ZBTB39: variants seen among roughly 807,000 people sequenced by gnomAD.
ZBTB39 encodes zinc finger and BTB domain-containing protein 39.
Under a neutral mutation model 39.4 loss-of-function variants are expected in ZBTB39, and 25 were observed. The ratio of observed to expected loss-of-function variants is 0.63; its 90% CI spans 0.46 to 0.89. The LOEUF is 0.89. Ranked by LOEUF, ZBTB39 falls within the 40% of genes least tolerant of loss-of-function variation. The probability of loss-of-function intolerance (pLI) is 0.00; values close to 1 mark genes in which losing one functional copy is unlikely to be tolerated. For synonymous variants in ZBTB39, 373 were observed against 359.6 expected, an observed-to-expected ratio of 1.04 and a Z score of -0.42; for missense variants, 891 against 909.7, an observed-to-expected ratio of 0.98 and a Z score of 0.26.
rs138575607 is a variant in ZBTB39, at chr12:57,003,511, G to A, written c.1407C>T (p.Gly469=). 1,006 of 1,614,012 alleles carry A rather than the reference G, an allele frequency of 6.2e-4. 4 individuals are homozygous for A. In the African/African-American group the frequency reaches 0.011, roughly 17 times the overall value. ...TCAAGTTTAGATGGTCAAGGATGTG[G>A]CCCCGGACCACATGGAAATCTTTGG... ...VLAKDFHVVR[G]HILDHLNLKG... The change falls in exon 2 of 2, where the codon GGC becomes GGT. Residue 469 remains glycine (G), a synonymous_variant. Transcript: ENST00000300101. This position sits in a 1 kb window ranked among gnomAD's most constrained non-coding sequence, Gnocchi z 4.8.
chr12:57,003,284 T>A lies in ZBTB39; in HGVS notation c.1634A>T (p.Gln545Leu). 1 of 1,614,174 alleles carries A rather than the reference T, an allele frequency of 6.2e-7. No individual in the cohort carries two copies. Residue 545 changes from glutamine to leucine, a missense_variant, in exon 2 of 2, where the codon CAG becomes CTG. Physicochemically the swap from Gln to Leu is moderately radical, Grantham distance 113. Coordinates refer to ENST00000300101, the MANE Select transcript of ZBTB39 (RefSeq NM_014830.3). This position sits in a 1 kb window ranked among gnomAD's most constrained non-coding sequence, Gnocchi z 4.8. ...DALFHCRLCS[Q>L]SFKSEAAYRY... The stretch of plus-strand genomic sequence containing the variant: ...ATAGGCAGCCTCTGACTTGAAGCTC[T>A]GGCTGCACAAGCGGCAGTGGAAGAG...
Position 57,002,823 on chromosome 12 carries a change from A to C in ZBTB39, c.2095T>G (p.Tyr699Asp). The C allele has an allele frequency of 6.2e-7, 1 of 1,614,184 alleles. No homozygotes were observed. The highest frequency in any genetic ancestry group is 8.5e-7 in the Non-Finnish European group (1 of 1,180,026). ...TCCGCCTCTTTGGAATGGATGATGT[A>C]CATGAAGGTCTGCTCGATGGTGAAG... ...PDFTIEQTFMYIIHSKEADKN... is the reference protein window; with the variant it reads ...PDFTIEQTFMDIIHSKEADKN... Residue 699 changes from tyrosine (Y) to aspartate (D), a missense_variant, in exon 2 of 2, where the codon TAC becomes GAC. Transcript: ENST00000300101.
At position 57,001,039 on chromosome 12, in the gene ZBTB39, T is replaced by C. The variant is rs1008593266; in HGVS notation, c.*1740A>G. Reference sequence around the variant, plus strand: ...CCTGGAATTTAACTGTCCCGAACTTTATAGAACATACACCCATGGCCTAAA... The same window carrying C: ...CCTGGAATTTAACTGTCCCGAACTTCATAGAACATACACCCATGGCCTAAA... On this transcript the variant is annotated 3_prime_UTR_variant, in exon 2 of 2. Coordinates refer to ENST00000300101, the MANE Select transcript of ZBTB39 (RefSeq NM_014830.3). 4.6e-5 allele frequency: 7 copies of C among 152,282 alleles called. No homozygotes were observed. The highest frequency in any genetic ancestry group is 7.2e-5 in the African/African-American group (3 of 41,464). The allele number at this position is 152,282 out of a possible 1,614,324, so 9.4% of individuals were successfully genotyped here. A position where few individuals can be genotyped will look rare whatever the true frequency, so the allele number is the denominator to read the frequency against.
rs756720842 is a variant in ZBTB39, at chr12:57,003,173, C to T, written c.1745G>A (p.Arg582Gln). The change falls in exon 2 of 2, where the codon CGG becomes CAG. Residue 582 changes from arginine (R) to glutamine (Q), a missense_variant. Arg to Gln is a conservative substitution (Grantham distance 43). Transcript: ENST00000300101. This position sits in a 1 kb window ranked among gnomAD's most constrained non-coding sequence, Gnocchi z 4.8. Reference sequence around the variant, plus strand: ...CAGAAACTCCTCTGCTGGCAGCTTCCGCTTCTGGAGAGCTGGGTGCTGCAG... The same window carrying T: ...CAGAAACTCCTCTGCTGGCAGCTTCTGCTTCTGGAGAGCTGGGTGCTGCAG... ...FGLQHPALQK[R>Q]KLPAEEFLGE... is the part of the protein sequence containing the mutation. The T allele has an allele frequency of 2.1e-5, 34 of 1,613,986 alleles. No homozygotes were observed. Among genetic ancestry groups the T allele is most frequent in the African/African-American group, 8.0e-5 (6 of 74,946 alleles).
At position 57,001,613 on chromosome 12, in the gene ZBTB39, G is replaced by C. The variant is rs1425424735; in HGVS notation, c.*1166C>G. 1 of 152,834 alleles carries C rather than the reference G, an allele frequency of 6.5e-6. No homozygotes were observed. Among genetic ancestry groups the C allele is most frequent in the African/African-American group, 2.4e-5 (1 of 41,466 alleles). 9.5% of individuals were successfully genotyped at this position (152,834 alleles called of 1,614,324 possible). A position where few individuals can be genotyped will look rare whatever the true frequency, so the allele number is the denominator to read the frequency against. Reference sequence around the variant, plus strand: ...AGCTGCCATCCAATAGCGCCCCCTGGAGGTGATGGCAACGACAGATCAGGA... The same window carrying C: ...AGCTGCCATCCAATAGCGCCCCCTGCAGGTGATGGCAACGACAGATCAGGA... On this transcript the variant is annotated 3_prime_UTR_variant, in exon 2 of 2. Transcript: ENST00000300101.
chr12:57,002,905 G>A lies in ZBTB39; in HGVS notation c.2013C>T (p.Ser671=). 1 of 1,614,232 alleles carries A rather than the reference G, an allele frequency of 6.2e-7. No individual in the cohort carries two copies. The highest frequency in any genetic ancestry group is 1.3e-5 in the African/African-American group (1 of 75,058). The stretch of plus-strand genomic sequence containing the variant: ...CATGTTTGCTCATGAGGTTAAGGGT[G>A]GAACTGTAGTGCCCACAGACTGTGC... ...YRCTVCGHYS[S]TLNLMSKHVG... is the part of the protein sequence containing the mutation. Residue 671 remains serine (S), a synonymous_variant, in exon 2 of 2, where the codon TCC becomes TCT. Transcript: ENST00000300101.
chr12:57,004,702 C>T lies in ZBTB39; in HGVS notation c.216G>A (p.Val72=), dbSNP rs1956234864. 6.2e-7 allele frequency: 1 copy of T among 1,614,164 alleles called. No homozygotes were observed. ...CAAAGTTGGCAGGGGTGATGAAGTC[C>T]ACCACATAGGTCCTGGCAGCATCAA... ...TGLDAARTYV[V]DFITPANFEK... is the part of the protein sequence containing the mutation. Residue 72 remains valine (V), a synonymous_variant, in exon 2 of 2, where the codon GTG becomes GTA. Transcript: ENST00000300101.
At position 57,003,099 on chromosome 12, in the gene ZBTB39, A is replaced by C; in HGVS notation, c.1819T>G (p.Cys607Gly). The C allele has an allele frequency of 6.2e-7, 1 of 1,614,184 alleles. No homozygotes were observed. Among genetic ancestry groups the C allele is most frequent in the Non-Finnish European group, 8.5e-7 (1 of 1,180,044 alleles). Residue 607 changes from cysteine to glycine, a missense_variant, in exon 2 of 2, where the codon TGC becomes GGC. Transcript: ENST00000300101. The surrounding 1 kb of genome is among the most constrained non-coding windows in gnomAD (Gnocchi z 4.8). ...QGQPGNSKYS[C>G]KVCGKRFAHT... ...GCAAATCTTTTGCCACAGACCTTGC[A>C]GCTATACTTGCTGTTCCCAGGTTGG...
chr12:57,002,963 A>G lies in ZBTB39; in HGVS notation c.1955T>C (p.Leu652Pro). The change falls in exon 2 of 2, where the codon CTA becomes CCA. Residue 652 changes from leucine (L) to proline (P), a missense_variant. Physicochemically the swap from Leu to Pro is moderately conservative, Grantham distance 98 (BLOSUM62 -3). Coordinates refer to ENST00000300101, the MANE Select transcript of ZBTB39 (RefSeq NM_014830.3). ...CATGAGGGCCCCCGAGTGTGTCTTTAGGTGGCACTTGATGGTCGAGCGGCC... is the reference window on the plus strand; with the variant it reads ...CATGAGGGCCCCCGAGTGTGTCTTTGGGTGGCACTTGATGGTCGAGCGGCC... ...FRGRSTIKCH[L>P]KTHSGALMYR... 1 of 1,614,236 alleles carries G rather than the reference A, an allele frequency of 6.2e-7. No individual in the cohort carries two copies. Among genetic ancestry groups the G allele is most frequent in the Non-Finnish European group, 8.5e-7 (1 of 1,180,040 alleles).
Position 57,003,427 on chromosome 12 carries a change from C to A in ZBTB39, c.1491G>T (p.Trp497Cys). The A allele has an allele frequency of 6.2e-7, 1 of 1,614,196 alleles. No homozygotes were observed. Among genetic ancestry groups the A allele is most frequent in the Non-Finnish European group, 8.5e-7 (1 of 1,180,012 alleles). Residue 497 changes from tryptophan (W) to cysteine (C), a missense_variant, in exon 2 of 2, where the codon TGG (tryptophan) becomes TGT (cysteine). Physicochemically the swap from Trp to Cys is radical, Grantham distance 215 (BLOSUM62 -2). Coordinates refer to ENST00000300101, the MANE Select transcript of ZBTB39 (RefSeq NM_014830.3). The surrounding 1 kb of genome is among the most constrained non-coding windows in gnomAD (Gnocchi z 4.8). ...AGATGCCGAGATGGGACAGCGTGTG[C>A]CACATGAGGCTGCAGAGGTTAAGGT... is the stretch of plus-strand genomic sequence containing the variant. ...QRHLNLCSLM[W>C]HTLSHLGISV...
Position 57,002,942 on chromosome 12 carries a change from A to T in ZBTB39, c.1976T>A (p.Leu659His), listed in dbSNP as rs780718801. The T allele has an allele frequency of 8.1e-6, 13 of 1,614,244 alleles. No homozygotes were observed. The highest frequency in any genetic ancestry group is 4.4e-5 in the South Asian group (4 of 91,084). The change falls in exon 2 of 2, where the codon CTC becomes CAC. Residue 659 changes from leucine to histidine, a missense_variant. Physicochemically the swap from Leu to His is moderately conservative, Grantham distance 99. Transcript: ENST00000300101. ...KCHLKTHSGA[L>H]MYRCTVCGHY... The stretch of plus-strand genomic sequence containing the variant: ...CCCACAGACTGTGCAGCGGTACATG[A>T]GGGCCCCCGAGTGTGTCTTTAGGTG...
chr12:57,005,793 A>G (rs1371087292), intron 1 of ZBTB39, among the ~76,000 whole-genome samples: 1 of 152,136 alleles, frequency 6.6e-6, no homozygotes, highest in Non-Finnish European at 1.5e-5. Context: ...GTTCACTACC[A>G]CTTTCTGCCC....
rs1956198145 is a variant in ZBTB39 at position 56,999,505 on chromosome 12, C to G, written c.*3274G>C. 6.6e-6 allele frequency: 1 copy of G among 152,230 alleles called. No individual in the cohort carries two copies. The highest frequency in any genetic ancestry group is 2.4e-5 in the African/African-American group (1 of 41,446). The allele number at this position is 152,230 out of a possible 1,614,324, so 9.4% of individuals were successfully genotyped here. On this transcript the variant is annotated 3_prime_UTR_variant, in exon 2 of 2. Transcript: ENST00000300101. ...AATATAAAAAAAAACTTTTACCCAT[C>G]TCCTGGTTCTTAGGGGTCACCTGGG...
rs944007439 is a variant in ZBTB39 at position 57,006,423 on chromosome 12, G to C, written c.-63C>G. 1.3e-5 allele frequency: 2 copies of C among 150,256 alleles called. No homozygotes were observed. The highest frequency in any genetic ancestry group is 1.3e-4 in the Admixed American group (2 of 15,136). The allele number at this position is 150,256 out of a possible 1,614,324, so 9.3% of individuals were successfully genotyped here. On this transcript the variant is annotated 5_prime_UTR_variant, in exon 1 of 2. Coordinates refer to ENST00000300101, the MANE Select transcript of ZBTB39 (RefSeq NM_014830.3). ...CGCTTACCCGGCTCTGCGGCGCCCC[G>C]AGCACCATCGCCGCCGCCGCTTCAC...
chr12:57,003,392 GAGA>G lies in ZBTB39; in HGVS notation c.1523_1525del (p.Phe508del), dbSNP rs1250532984. ...AAAGCTGTTCGCACAGACAGAACAG[GAGA>G]AGACTGAGATGCCGAGATGGGACAG... On this transcript the variant is annotated inframe_deletion, in exon 2 of 2. Coordinates refer to ENST00000300101, the MANE Select transcript of ZBTB39 (RefSeq NM_014830.3). This position sits in a 1 kb window ranked among gnomAD's most constrained non-coding sequence, Gnocchi z 4.8. 6.2e-7 allele frequency: 1 copy of G among 1,614,212 alleles called. No homozygotes were observed. Among genetic ancestry groups the G allele is most frequent in the Non-Finnish European group, 8.5e-7 (1 of 1,180,018 alleles).
Position 57,002,988 on chromosome 12 carries a change from C to T in ZBTB39, c.1930G>A (p.Gly644Ser). Residue 644 changes from glycine (G) to serine (S), a missense_variant, in exon 2 of 2, where the codon GGC (glycine) becomes AGC (serine). Physicochemically the swap from Gly to Ser is moderately conservative, Grantham distance 56. Transcript: ENST00000300101. ...QCKVCHKFFR[G>S]RSTIKCHLKT... ...AGGTGGCACTTGATGGTCGAGCGGCCTCGAAAGAACTTGTGGCACACCTTA... is the reference window on the plus strand; with the variant it reads ...AGGTGGCACTTGATGGTCGAGCGGCTTCGAAAGAACTTGTGGCACACCTTA... 6.2e-7 allele frequency: 1 copy of T among 1,614,212 alleles called. No individual in the cohort carries two copies. Among genetic ancestry groups the T allele is most frequent in the Non-Finnish European group, 8.5e-7 (1 of 1,180,044 alleles).
intron 1 of ZBTB39, among the ~76,000 whole-genome samples, chr12:57,005,619 G>A (rs912155519): frequency 2.0e-5 from 3 of 152,174 alleles, no homozygotes; most frequent in Non-Finnish European, 4.4e-5. Context: ...TGCACAGTAA[G>A]AAAAGTAGAA....
Position 57,001,706 on chromosome 12 carries a change from C to T in ZBTB39, c.*1073G>A, listed in dbSNP as rs920702660. ...CTGTTAGCACAAAGTAAACAGGTTACCCGACTAGGACAGACAGTCAGAACG... is the reference window on the plus strand; with the variant it reads ...CTGTTAGCACAAAGTAAACAGGTTATCCGACTAGGACAGACAGTCAGAACG... On this transcript the variant is annotated 3_prime_UTR_variant, in exon 2 of 2. Coordinates refer to ENST00000300101, the MANE Select transcript of ZBTB39 (RefSeq NM_014830.3). 6.6e-6 allele frequency: 1 copy of T among 151,308 alleles called. No individual in the cohort carries two copies. Among genetic ancestry groups the T allele is most frequent in the Non-Finnish European group, 1.5e-5 (1 of 67,666 alleles). The allele number at this position is 151,308 out of a possible 1,614,324, so 9.4% of individuals were successfully genotyped here.
rs1956193838 is a variant in ZBTB39, at chr12:56,998,927, T to C, written c.*3852A>G. ...ATCAGATGTACAATGATTTTAGACA[T>C]CTACTATTTGGGGAAAAAAGTTTAC... On this transcript the variant is annotated 3_prime_UTR_variant, in exon 2 of 2. Transcript: ENST00000300101. The C allele has an allele frequency of 6.6e-6, 1 of 152,622 alleles. No homozygotes were observed. The highest frequency in any genetic ancestry group is 6.5e-5 in the Admixed American group (1 of 15,286). 9.5% of individuals were successfully genotyped at this position (152,622 alleles called of 1,614,324 possible).
Sources: gnomAD v4.1 joint callset for allele counts (sites outside exome capture counted in the v4.1 genomes callset) on GRCh38, gnomAD v4.1.1 for gene constraint, Gnocchi (gnomAD v3.1) non-coding constraint, MANE v1.5 for transcripts, NCBI Gene and HGNC (gene_info 2026-07-23, HGNC 2026-07-21) for gene names.